Variants in MSR1 observed in about 807,000 individuals in gnomAD.
MSR1 encodes macrophage scavenger receptor types I and II.
In MSR1, 53 loss-of-function variants were observed where a neutral mutation model predicts 47.2. The ratio of observed to expected loss-of-function variants is 1.12; its 90% CI spans 0.90 to 1.41. MSR1 has a LOEUF of 1.41. Among genes scored for constraint, MSR1 ranks in the 40% most tolerant of loss-of-function variants. The pLI, the probability that MSR1 is intolerant of heterozygous loss-of-function variation, is 0.00. For synonymous variants in MSR1, 239 were observed against 185.6 expected (o/e 1.29, Z -2.34); for missense variants, 786 against 546.9 (o/e 1.44, Z -4.36).
intron 9 of MSR1, 89 bp downstream of exon 9, chr8:16,120,329 A>G (rs2117061314): frequency 7.3e-7 from 1 of 1,371,748 alleles, no homozygotes; most frequent in Non-Finnish European, 1.0e-6. Context: ...GTGAGCCGAG[A>G]TCGCGCCACT....
intron 6 of MSR1, among the ~76,000 whole-genome samples, chr8:16,153,027 T>C (rs1182020129): frequency 6.6e-6 from 1 of 152,070 alleles, no homozygotes; most frequent in Non-Finnish European, 1.5e-5. Context: ...TCCACCCTAG[T>C]ATATGAATAA....
At chr8:16,187,986 T>C (rs1802052173) in intron 1 of MSR1, among the ~76,000 whole-genome samples, 1 of 152,164 alleles carries the variant, frequency 6.6e-6, no homozygotes, top group South Asian at 2.1e-4. Flanking sequence ...AGTGAACAAC[T>C]CACACTGTTC....
At chr8:16,154,027 G>A (rs1388989463) in intron 6 of MSR1, among the ~76,000 whole-genome samples, 5 of 151,708 alleles carry the variant, frequency 3.3e-5, no homozygotes, top group Non-Finnish European at 7.4e-5. Context: ...GTACCTGGAT[G>A]TATATCATCT....
chr8:16,140,867 A>G (rs1800538152), intron 8 of MSR1: 2 of 1,595,408 alleles, frequency 1.3e-6, no homozygotes, highest in Non-Finnish European at 1.7e-6. Context: ...GAAGTCAGGT[A>G]CAACACGGGA....
intron 8 of MSR1, among the ~76,000 whole-genome samples, chr8:16,135,633 G>A (rs1462763965): frequency 1.3e-5 from 2 of 152,132 alleles, no homozygotes; most frequent in Non-Finnish European, 2.9e-5. Context: ...TATTACTTAA[G>A]AAATACATCT....
chr8:16,178,662 T>G (rs1214222805), intron 1 of MSR1, among the ~76,000 whole-genome samples: 2 of 152,148 alleles, frequency 1.3e-5, no homozygotes, highest in Non-Finnish European at 2.9e-5. Flanking sequence ...TAGTTCTAAA[T>G]CCCTGAGGAA....
In MSR1 at chr8:16,177,923, T is replaced by C; in HGVS notation, c.66A>G (p.Lys22=). ...EDTDSCSESV[K]FDARSMTALL... is the part of the protein sequence containing the mutation. ...AAGCTGTCATTGAGCGAGCATCAAA[T>C]TTCACAGATTCGGAGCAGCTATCAG... Residue 22 remains lysine, a synonymous_variant, in exon 2 of 10, where the codon AAA becomes AAG. Transcript: ENST00000262101. The C allele has an allele frequency of 1.2e-6, 2 of 1,613,922 alleles. No homozygotes were observed. The highest frequency in any genetic ancestry group is 2.2e-5 in the South Asian group (2 of 91,066).
intron 9 of MSR1, 29 bp from the exon 10 acceptor site, chr8:16,110,247 T>G (rs1799727645): frequency 1.2e-6 from 2 of 1,611,828 alleles, no homozygotes; most frequent in African/African-American, 2.7e-5. Context: ...ACTGCATTAG[T>G]AAGTTTAGAG....
intron 8 of MSR1, among the ~76,000 whole-genome samples, chr8:16,133,620 T>C (rs994141729): frequency 1.3e-5 from 2 of 152,304 alleles, no homozygotes; most frequent in Admixed American, 6.5e-5. Flanking sequence ...TCAAAAACTG[T>C]TGTGAGAACC....
intron 1 of MSR1, among the ~76,000 whole-genome samples, chr8:16,180,325 T>C (rs1179310096): frequency 6.6e-6 from 1 of 152,142 alleles, no homozygotes; most frequent in Non-Finnish European, 1.5e-5. Flanking sequence ...TTAACATGTA[T>C]CAGAAACATT....
chr8:16,113,920 T>G (rs1220104559), intron 9 of MSR1, among the ~76,000 whole-genome samples: 1 of 105,450 alleles, frequency 9.5e-6, no homozygotes, highest in East Asian at 3.2e-4. Flanking sequence ...CCAACCACCA[T>G]AATGACTACG....
chr8:16,114,503 C>G (rs1021885779), intron 9 of MSR1, among the ~76,000 whole-genome samples: 2 of 152,054 alleles, frequency 1.3e-5, no homozygotes, highest in African/African-American at 4.8e-5. Context: ...TATGATAAAA[C>G]TCATCCAAGT....
intron 7 of MSR1, among the ~76,000 whole-genome samples, chr8:16,149,835 T>C (rs1317227904): frequency 6.6e-6 from 1 of 152,012 alleles, no homozygotes; most frequent in African/African-American, 2.4e-5. Flanking sequence ...CTTCTTTTTT[T>C]TTCTTTGCCA....
rs770902602 is a variant in MSR1 at position 16,189,628 on chromosome 8, T to A, written c.-5+2970A>T. ...ATAAAATCTTATTTTATATATATTT[T>A]ATATATATATAAAATCTTATTTTAT... On this transcript the variant is annotated intron_variant, in intron 1 of 9. Transcript: ENST00000262101. Among the ~76,000 whole-genome samples, 2 of 36,674 alleles carry A rather than the reference T, an allele frequency of 5.5e-5. 1 individual carries two copies. Among genetic ancestry groups the A allele is most frequent in the African/African-American group, 3.4e-4 (2 of 5,812 alleles). The allele number at this position is 36,674 out of a possible 152,430, so 24.1% of individuals were successfully genotyped here.
At chr8:16,179,821 G>C (rs763330117) in intron 1 of MSR1, among the ~76,000 whole-genome samples, 2 of 139,310 alleles carry the variant, frequency 1.4e-5, no homozygotes, top group Non-Finnish European at 3.0e-5. Flanking sequence ...AACTTGCAGT[G>C]AGCCGACATT....
chr8:16,150,998 T>C (rs991325011), intron 6 of MSR1, among the ~76,000 whole-genome samples: 15 of 152,060 alleles, frequency 9.9e-5, no homozygotes, highest in Admixed American at 3.9e-4. Context: ...AATATTACTA[T>C]GGTGATCATA....
In MSR1 at chr8:16,131,439, TAG is replaced by T. The variant is rs1491482801; in HGVS notation, c.1034-10835_1034-10834del. 3.8e-3 allele frequency among the ~76,000 whole-genome samples: 464 copies of T among 121,510 alleles called. 5 individuals are homozygous for T. The highest frequency in any genetic ancestry group is 0.013 in the African/African-American group (416 of 32,444). 79.7% of individuals were successfully genotyped at this position (121,510 alleles called of 152,430 possible). ...TCTATGTATCTGTTTACTCTGTTGATAGTTTTTTTTTTTTTTTTTTTTTTTTG... is the reference window on the plus strand; with the variant it reads ...TCTATGTATCTGTTTACTCTGTTGATTTTTTTTTTTTTTTTTTTTTTTTTG... On this transcript the variant is annotated intron_variant, in intron 8 of 9. Transcript: ENST00000262101.
chr8:16,179,435 T>C (rs961205712), intron 1 of MSR1, among the ~76,000 whole-genome samples: 10 of 152,310 alleles, frequency 6.6e-5, no homozygotes, highest in African/African-American at 2.2e-4. Context: ...TCAGAAATGA[T>C]GCACATACAA....
intron 7 of MSR1, among the ~76,000 whole-genome samples, chr8:16,143,883 T>C (rs976852332): frequency 2.6e-5 from 4 of 152,116 alleles, no homozygotes; most frequent in African/African-American, 9.7e-5. Flanking sequence ...GGAGTTTGTT[T>C]TGTACTTATT....
Sources: gnomAD v4.1 joint callset for allele counts (sites outside exome capture counted in the v4.1 genomes callset) on GRCh38, gnomAD v4.1.1 for gene constraint, MANE v1.5 for transcripts, NCBI Gene and HGNC (gene_info 2026-07-23, HGNC 2026-07-21) for gene names.